GDA: variants seen among roughly 807,000 people sequenced by gnomAD.
The protein encoded by GDA is cytoplasmic PSD-95 interactor.
GDA carries 18 observed loss-of-function variants against 59.6 expected under a neutral mutation model. That is an observed-to-expected ratio of 0.30 (90% confidence interval 0.21 to 0.45). The LOEUF (loss-of-function observed/expected upper bound fraction) is 0.45. Ranked by LOEUF, GDA falls within the 20% of genes least tolerant of loss-of-function variation. The pLI, the probability that GDA is intolerant of heterozygous loss-of-function variation, is 1.00. For missense variants in GDA, 427 were observed against 552.3 expected, an observed-to-expected ratio of 0.77 and a Z score of 2.27; for synonymous variants, 201 against 201.1, an observed-to-expected ratio of 1.00 and a Z score of 0.00.
chr9:72,212,497 T>G (rs1220387895), intron 4 of GDA, among the ~76,000 whole-genome samples: 1 of 151,256 alleles, frequency 6.6e-6, no homozygotes. Context: ...AAAAAAAGAA[T>G]AGTAGCAGTA....
At position 72,249,796 on chromosome 9, in the gene GDA, A is replaced by G; in HGVS notation, c.*1454A>G. On this transcript the variant is annotated 3_prime_UTR_variant, in exon 14 of 14. Coordinates refer to ENST00000358399, the MANE Select transcript of GDA (RefSeq NM_004293.5). ...TGACTCTTTAATATTACCTTATAGTAGAAACTTTATGTAATATAGCTAACT... is the reference window on the plus strand; with the variant it reads ...TGACTCTTTAATATTACCTTATAGTGGAAACTTTATGTAATATAGCTAACT... 6.9e-6 allele frequency: 6 copies of G among 865,356 alleles called. No homozygotes were observed. The highest frequency in any genetic ancestry group is 8.3e-6 in the Non-Finnish European group (6 of 720,464). 53.6% of individuals were successfully genotyped at this position (865,356 alleles called of 1,614,324 possible). A position where few individuals can be genotyped will look rare whatever the true frequency, so the allele number is the denominator to read the frequency against.
intron 1 of GDA, among the ~76,000 whole-genome samples, chr9:72,184,802 A>G (rs1289217801): frequency 6.6e-6 from 1 of 152,230 alleles, no homozygotes; most frequent in Non-Finnish European, 1.5e-5. Flanking sequence ...AAATAAATAT[A>G]AAGTTTCAGA....
intron 1 of GDA, among the ~76,000 whole-genome samples, chr9:72,153,869 C>T (rs1326033792): frequency 2.8e-5 from 4 of 145,152 alleles, no homozygotes; most frequent in Non-Finnish European, 6.0e-5. Flanking sequence ...TGCTAAATGA[C>T]GAGTTAATGG....
At chr9:72,155,628 A>G (rs1827803004) in intron 1 of GDA, among the ~76,000 whole-genome samples, 1 of 152,192 alleles carries the variant, frequency 6.6e-6, no homozygotes, top group Non-Finnish European at 1.5e-5. Flanking sequence ...TATGGAGGGC[A>G]TCGGGGATGG....
At chr9:72,174,677 T>C (rs1830347267) in intron 1 of GDA, among the ~76,000 whole-genome samples, 1 of 151,646 alleles carries the variant, frequency 6.6e-6, no homozygotes, top group African/African-American at 2.4e-5. Flanking sequence ...GTTGAGGAGG[T>C]ACACAGCTTG....
At chr9:72,241,384 T>G in intron 11 of GDA, 86 bp downstream of exon 11, 1 of 1,009,994 alleles carries the variant, frequency 9.9e-7, no homozygotes, top group Non-Finnish European at 1.4e-6. Context: ...GCATGATTGG[T>G]ATTAGGAAAA....
chr9:72,126,453 G>A (rs746181948), intron 1 of GDA, among the ~76,000 whole-genome samples: 2 of 152,078 alleles, frequency 1.3e-5, no homozygotes, highest in African/African-American at 2.4e-5. Context: ...TAGACACGTG[G>A]CATCTCAGCT....
At chr9:72,193,305 G>A (rs763314558) in intron 1 of GDA, among the ~76,000 whole-genome samples, 1 of 152,214 alleles carries the variant, frequency 6.6e-6, no homozygotes, top group South Asian at 2.1e-4. Flanking sequence ...AAGGACTTTG[G>A]TGTTGTGATC....
In GDA at chr9:72,159,490, C is replaced by T. The variant is rs560787711; in HGVS notation, c.123+9808C>T. Among the ~76,000 whole-genome samples the T allele has an allele frequency of 2.6e-5, 4 of 152,214 alleles. No individual in the cohort carries two copies. The South Asian group carries it at 8.3e-4, about 32-fold the overall frequency. ...AACTGTGTCAATATGAGTTTATTTACAGCCCATTGATTCATGAATTAAAAA... is the reference window on the plus strand; with the variant it reads ...AACTGTGTCAATATGAGTTTATTTATAGCCCATTGATTCATGAATTAAAAA... On this transcript the variant is annotated intron_variant, in intron 1 of 13. Coordinates refer to ENST00000358399, the MANE Select transcript of GDA (RefSeq NM_004293.5).
At chr9:72,230,710 T>G (rs1838238489) in intron 9 of GDA, among the ~76,000 whole-genome samples, 1 of 152,098 alleles carries the variant, frequency 6.6e-6, no homozygotes, top group African/African-American at 2.4e-5. Context: ...GGGTAACAAA[T>G]TATTCCAGGC....
chr9:72,250,706 A>G lies in GDA; in HGVS notation c.*2364A>G, dbSNP rs768742993. 1.2e-6 allele frequency: 2 copies of G among 1,611,378 alleles called. No homozygotes were observed. The highest frequency in any genetic ancestry group is 2.2e-5 in the East Asian group (1 of 44,836). On this transcript the variant is annotated 3_prime_UTR_variant, in exon 14 of 14. Coordinates refer to ENST00000358399, the MANE Select transcript of GDA (RefSeq NM_004293.5). ...TGTGGAGAGGCACTTTTCCAAGCCA[A>G]TCTTATTTGTCACTTTTTGTTTTAA...
At chr9:72,123,468 C>A (rs1363272666) in intron 1 of GDA, among the ~76,000 whole-genome samples, 2 of 147,166 alleles carry the variant, frequency 1.4e-5, no homozygotes, top group Non-Finnish European at 3.0e-5. Context: ...CAGGCGTAAG[C>A]CACCATGCCC....
chr9:72,128,513 A>C (rs901748729), intron 1 of GDA, among the ~76,000 whole-genome samples: 1 of 152,208 alleles, frequency 6.6e-6, no homozygotes, highest in East Asian at 1.9e-4. Context: ...TTACCTTTGC[A>C]ATAATAATGG....
At chr9:72,150,054 G>A (rs568739026) in intron 1 of GDA, among the ~76,000 whole-genome samples, 1 of 151,888 alleles carries the variant, frequency 6.6e-6, no homozygotes, top group East Asian at 2.0e-4. Context: ...CCAACACCTA[G>A]CACTGTGCCT....
chr9:72,114,929 G>A (rs1358496402), intron 1 of GDA: 1 of 152,212 alleles, frequency 6.6e-6, no homozygotes, highest in East Asian at 1.9e-4. Context: ...GGCTTAATGG[G>A]ACAGAGAGAG....
At chr9:72,247,049 C>T (rs901052530) in intron 12 of GDA, among the ~76,000 whole-genome samples, 1 of 152,112 alleles carries the variant, frequency 6.6e-6, no homozygotes, top group Non-Finnish European at 1.5e-5. Context: ...ACAACAACAA[C>T]AAAATAAGGC....
intron 10 of GDA, among the ~76,000 whole-genome samples, chr9:72,235,434 T>C (rs1337449918): frequency 6.6e-6 from 1 of 152,226 alleles, no homozygotes; most frequent in Admixed American, 6.5e-5. Flanking sequence ...AATTCTGTCT[T>C]ATAATTTTAT....
At chr9:72,216,679 ATT>A (rs201725609) in intron 5 of GDA, among the ~76,000 whole-genome samples, 17 of 145,818 alleles carry the variant, frequency 1.2e-4, no homozygotes, top group South Asian at 2.2e-4. Flanking sequence ...AGGAAAAACT[ATT>A]TTTTTTTTTT....
chr9:72,192,259 A>C (rs1251842200), intron 1 of GDA, among the ~76,000 whole-genome samples: 8 of 90,682 alleles, frequency 8.8e-5, no homozygotes, highest in Admixed American at 5.4e-4. Flanking sequence ...TTTGAGAACG[A>C]GTCTCACTCT....
Sources: allele counts gnomAD v4.1 joint callset (sites outside exome capture counted in the v4.1 genomes callset), GRCh38; gene constraint gnomAD v4.1.1; transcripts MANE v1.5; gene names NCBI Gene and HGNC (gene_info 2026-07-23, HGNC 2026-07-21).